Variants in DLGAP1 observed in about 807,000 individuals in gnomAD.
The protein encoded by DLGAP1 is DLG associated protein 1, also known as disks large-associated protein 1.
Under a neutral mutation model 90.8 loss-of-function variants are expected in DLGAP1, and 11 were observed. The observed-to-expected ratio is 0.12, with a 90% confidence interval of 0.08 to 0.20. DLGAP1 has a LOEUF of 0.20. DLGAP1 is among the 10% of genes least tolerant of loss of function. DLGAP1 has a pLI of 1.00. For missense variants in DLGAP1, 1,050 were observed against 1,333.8 expected, an observed-to-expected ratio of 0.79 and a Z score of 3.31; for synonymous variants, 558 against 540.7, an observed-to-expected ratio of 1.03 and a Z score of -0.44.
chr18:4,169,622 CA>C (rs1490555668), intron 1 of DLGAP1, among the ~76,000 whole-genome samples: 1 of 152,204 alleles, frequency 6.6e-6, no homozygotes, highest in African/African-American at 2.4e-5. Context: ...TCATGTTTCC[CA>C]GTAGAATCAA....
At chr18:4,398,609 T>G (rs913037298) in intron 1 of DLGAP1, among the ~76,000 whole-genome samples, 2 of 152,182 alleles carry the variant, frequency 1.3e-5, no homozygotes, top group African/African-American at 2.4e-5. Flanking sequence ...TTGAAGGCAT[T>G]ATTGCTGCTA....
intron 2 of DLGAP1, among the ~76,000 whole-genome samples, chr18:4,075,828 G>T (rs1160672430): frequency 6.6e-6 from 1 of 152,094 alleles, no homozygotes; most frequent in Non-Finnish European, 1.5e-5. Context: ...ATTTAAATAC[G>T]ACATGAGTTT....
intron 2 of DLGAP1, among the ~76,000 whole-genome samples, chr18:4,051,922 A>G (rs2075139335): frequency 6.6e-6 from 1 of 152,222 alleles, no homozygotes; most frequent in South Asian, 2.1e-4. Flanking sequence ...GAAATCCAAT[A>G]GGTCAGTCAT....
At chr18:3,976,893 T>C (rs933606705) in intron 3 of DLGAP1, among the ~76,000 whole-genome samples, 2 of 152,206 alleles carry the variant, frequency 1.3e-5, no homozygotes, top group East Asian at 3.8e-4. Context: ...TCTGTTAATT[T>C]AATAGAAAAA....
intron 2 of DLGAP1, among the ~76,000 whole-genome samples, chr18:4,013,159 C>T (rs1333704831): frequency 1.3e-5 from 2 of 152,056 alleles, no homozygotes; most frequent in Non-Finnish European, 2.9e-5. Flanking sequence ...TCGTTTTAGC[C>T]CTAGTGTGTC....
intron 3 of DLGAP1, among the ~76,000 whole-genome samples, chr18:3,898,476 C>G (rs537811901): frequency 6.6e-6 from 1 of 152,248 alleles, no homozygotes; most frequent in African/African-American, 2.4e-5. Context: ...TGTAGTTAAT[C>G]CAGGAAGTCA....
intron 2 of DLGAP1, among the ~76,000 whole-genome samples, chr18:4,147,981 G>A (rs749024139): frequency 2.0e-4 from 31 of 152,186 alleles, no homozygotes; most frequent in Admixed American, 3.9e-4. Context: ...CTCCAGAACA[G>A]GGGTGTCCGA....
At chr18:4,102,751 T>G (rs1022992751) in intron 2 of DLGAP1, among the ~76,000 whole-genome samples, 2 of 152,212 alleles carry the variant, frequency 1.3e-5, no homozygotes, top group Admixed American at 6.5e-5. Flanking sequence ...CTGACATAGT[T>G]TTTTTATTAT....
At chr18:3,525,914 C>A (rs1467266513) in intron 10 of DLGAP1, among the ~76,000 whole-genome samples, 1 of 152,160 alleles carries the variant, frequency 6.6e-6, no homozygotes, top group Non-Finnish European at 1.5e-5. Context: ...AGACACCACC[C>A]TCAAGAAGCA....
At chr18:3,550,941 C>T (rs1467725894) in intron 9 of DLGAP1, among the ~76,000 whole-genome samples, 4 of 151,614 alleles carry the variant, frequency 2.6e-5, no homozygotes, top group Non-Finnish European at 5.9e-5. Context: ...AGGGTTTCAC[C>T]ATGTTGGCCA....
At chr18:4,367,004 CAAAAAAAAAAAAA>C (rs67286288) in intron 1 of DLGAP1, among the ~76,000 whole-genome samples, 7 of 60,734 alleles carry the variant, frequency 1.2e-4, no homozygotes, top group East Asian at 6.6e-4. Flanking sequence ...CTGTCAATGG[CAAAAAAAAAAAAA>C]AAAAAAAAAA....
chr18:4,100,208 G>C (rs769060734), intron 2 of DLGAP1, among the ~76,000 whole-genome samples: 4 of 152,118 alleles, frequency 2.6e-5, no homozygotes, highest in Non-Finnish European at 5.9e-5. Context: ...AATAAGACTT[G>C]GAAGTCAAAA....
intron 3 of DLGAP1, among the ~76,000 whole-genome samples, chr18:3,891,221 C>T (rs2071449673): frequency 6.6e-6 from 1 of 152,176 alleles, no homozygotes; most frequent in Non-Finnish European, 1.5e-5. Context: ...CCATCCATCC[C>T]TAGTGGTCTT....
chr18:4,052,909 G>A (rs1425702145), intron 2 of DLGAP1, among the ~76,000 whole-genome samples: 2 of 152,148 alleles, frequency 1.3e-5, no homozygotes, highest in African/African-American at 2.4e-5. Flanking sequence ...CACTGCTCCA[G>A]TTCCTCATCT....
chr18:3,586,294 G>A (rs2055879858), intron 7 of DLGAP1, among the ~76,000 whole-genome samples: 1 of 152,118 alleles, frequency 6.6e-6, no homozygotes, highest in Non-Finnish European at 1.5e-5. Context: ...ATTATTATGA[G>A]GCTTAAGGAA....
At chr18:3,529,779 G>C (rs1373020165) in intron 10 of DLGAP1, among the ~76,000 whole-genome samples, 1 of 152,156 alleles carries the variant, frequency 6.6e-6, no homozygotes, top group Non-Finnish European at 1.5e-5. Flanking sequence ...ATTAGGCCTG[G>C]AACAACAGAT....
At position 3,692,335 on chromosome 18, in the gene DLGAP1, T is replaced by A. The variant is rs540967776; in HGVS notation, c.1591+36800A>T. Among the ~76,000 whole-genome samples, 20 of 152,312 alleles carry A rather than the reference T, an allele frequency of 1.3e-4. No homozygotes were observed. The East Asian group carries it at 2.5e-3, about 19-fold the overall frequency. Reference sequence around the variant, plus strand: ...TTCCCCTCTACAAACCATTAATAGCTGTGTATGTGCAGCCAAGGCATATTA... The same window carrying A: ...TTCCCCTCTACAAACCATTAATAGCAGTGTATGTGCAGCCAAGGCATATTA... On this transcript the variant is annotated intron_variant, in intron 7 of 12. Coordinates refer to ENST00000315677, the MANE Select transcript of DLGAP1 (RefSeq NM_004746.4).
intron 7 of DLGAP1, among the ~76,000 whole-genome samples, chr18:3,703,536 A>T (rs2061344157): frequency 6.6e-6 from 1 of 152,194 alleles, no homozygotes; most frequent in Non-Finnish European, 1.5e-5. Context: ...TGTGAGGAGG[A>T]TGTGTGTTCA....
intron 6 of DLGAP1, among the ~76,000 whole-genome samples, chr18:3,731,106 C>T (rs1221408090): frequency 6.6e-6 from 1 of 151,966 alleles, no homozygotes; most frequent in Non-Finnish European, 1.5e-5. Context: ...GCAATTATTT[C>T]AAAGCCAAAA....
Sources: gnomAD v4.1 joint callset for allele counts (sites outside exome capture counted in the v4.1 genomes callset) on GRCh38, gnomAD v4.1.1 for gene constraint, MANE v1.5 for transcripts, NCBI Gene and HGNC (gene_info 2026-07-23, HGNC 2026-07-21) for gene names.